Variants in CDC37L1 observed in about 807,000 individuals in gnomAD.
CDC37L1 encodes the protein cell division cycle 37 like 1, HSP90 cochaperone, also known as hsp90 co-chaperone Cdc37-like 1.
CDC37L1 carries 32 observed loss-of-function variants against 45.9 expected under a neutral mutation model. The ratio of observed to expected loss-of-function variants is 0.70; its 90% CI spans 0.53 to 0.94. CDC37L1 has a LOEUF of 0.94. Among genes scored for constraint, CDC37L1 ranks in the 40% least tolerant of loss-of-function variants. CDC37L1 has a pLI of 0.00. For synonymous variants in CDC37L1, 150 were observed against 133.0 expected (o/e 1.13, Z -0.88); for missense variants, 434 against 405.7 (o/e 1.07, Z -0.60).
intron 3 of CDC37L1, among the ~76,000 whole-genome samples, chr9:4,691,856 TATAAA>T (rs892530075): frequency 2.6e-5 from 4 of 152,308 alleles, no homozygotes; most frequent in Admixed American, 2.6e-4. Flanking sequence ...GTTTTATAAA[TATAAA>T]ATATTAATTT....
intron 6 of CDC37L1, chr9:4,703,198 C>T (rs1453863735): frequency 1.5e-6 from 2 of 1,297,018 alleles, no homozygotes; most frequent in Non-Finnish European, 2.0e-6. Context: ...AGTTTTAAAC[C>T]TCATAAAGTG....
At position 4,706,319 on chromosome 9, in the gene CDC37L1, T is replaced by G; in HGVS notation, c.*207T>G. The G allele has an allele frequency of 6.2e-6, 2 of 320,164 alleles. No individual in the cohort carries two copies. Among genetic ancestry groups the G allele is most frequent in the Non-Finnish European group, 1.2e-5 (2 of 173,164 alleles). The allele number at this position is 320,164 out of a possible 1,614,324, so 19.8% of individuals were successfully genotyped here. A position where few individuals can be genotyped will look rare whatever the true frequency, so the allele number is the denominator to read the frequency against. The stretch of plus-strand genomic sequence containing the variant: ...TGTTCTGAAGAGAAGAGTGGTACCA[T>G]ATGTTGCAGGAAGTCAAACTGGACT... On this transcript the variant is annotated 3_prime_UTR_variant, in exon 7 of 7. Transcript: ENST00000381854.
rs969577245 is a variant in CDC37L1, at chr9:4,707,590, C to G, written c.*1478C>G. 1 of 152,096 alleles carries G rather than the reference C, an allele frequency of 6.6e-6. No homozygotes were observed. 9.4% of individuals were successfully genotyped at this position (152,096 alleles called of 1,614,324 possible). On this transcript the variant is annotated 3_prime_UTR_variant, in exon 7 of 7. Transcript: ENST00000381854. ...TCTTCTTCTGTAACATCACAATCTT[C>G]CTGGTTTTCAGAATAAACGTTTTTG...
At chr9:4,700,545 T>C (rs772846741) in intron 5 of CDC37L1, among the ~76,000 whole-genome samples, 8 of 152,242 alleles carry the variant, frequency 5.3e-5, no homozygotes, top group Non-Finnish European at 8.8e-5. Flanking sequence ...TTTAATAAAA[T>C]AATGGAATGT....
chr9:4,695,944 C>G (rs1030877049), intron 3 of CDC37L1, among the ~76,000 whole-genome samples: 5 of 152,154 alleles, frequency 3.3e-5, no homozygotes, highest in African/African-American at 1.2e-4. Context: ...TGCCACCATG[C>G]CCAACTAATT....
chr9:4,694,817 C>T (rs764605149), intron 3 of CDC37L1, among the ~76,000 whole-genome samples: 37 of 152,218 alleles, frequency 2.4e-4, no homozygotes, highest in Middle Eastern at 3.4e-3. Flanking sequence ...TTGCAGTGAG[C>T]TGAGATCGTG....
chr9:4,699,479 CAA>C (rs1012104419), intron 5 of CDC37L1, among the ~76,000 whole-genome samples: 8 of 151,880 alleles, frequency 5.3e-5, no homozygotes, highest in South Asian at 2.1e-4. Flanking sequence ...GATGGAAAAA[CAA>C]GAGAGTGAAT....
At position 4,685,225 on chromosome 9, in the gene CDC37L1, G is replaced by A. The variant is rs1016969298; in HGVS notation, c.414+67G>A. On this transcript the variant is annotated intron_variant, in intron 2 of 6. Transcript: ENST00000381854. ...AAGTGTTTGTACAAACCAGTTGTGC[G>A]TATTTGGTAGCAAAGCAGCAGAATC... The A allele has an allele frequency of 3.4e-5, 40 of 1,190,600 alleles. No homozygotes were observed. The African/African-American group carries it at 4.1e-4, about 12-fold the overall frequency. The allele number at this position is 1,190,600 out of a possible 1,614,324, so 73.8% of individuals were successfully genotyped here.
At chr9:4,684,818 C>A in intron 1 of CDC37L1, 59 bp from the exon 2 acceptor site, 3 of 1,254,088 alleles carry the variant, frequency 2.4e-6, no homozygotes, top group Non-Finnish European at 2.2e-6. Flanking sequence ...AAAAATTGAA[C>A]TGTGCTGCAC....
At chr9:4,693,114 G>C (rs1841316315) in intron 3 of CDC37L1, among the ~76,000 whole-genome samples, 1 of 152,090 alleles carries the variant, frequency 6.6e-6, no homozygotes, top group Non-Finnish European at 1.5e-5. Flanking sequence ...TTAGTACACA[G>C]AGAAATTAAA....
In CDC37L1 at chr9:4,682,329, A is replaced by ATTTTTTTTTTTTTTTTTTTT. The variant is rs1313029477; in HGVS notation, c.132+2445_132+2446insTTTTTTTTTTTTTTTTTTTT. On this transcript the variant is annotated intron_variant, in intron 1 of 6. Coordinates refer to ENST00000381854, the MANE Select transcript of CDC37L1 (RefSeq NM_017913.4). ...AGGTGCCCACCACTGTGCCCAGCTA[A>ATTTTTTTTTTTTTTTTTTTT]TTTTTTTTTTTTTTTGAGATGGAGT... Among the ~76,000 whole-genome samples, 4 of 92,838 alleles carry ATTTTTTTTTTTTTTTTTTTT rather than the reference A, an allele frequency of 4.3e-5. 1 individual carries two copies. Among genetic ancestry groups the ATTTTTTTTTTTTTTTTTTTT allele is most frequent in the Admixed American group, 2.2e-4 (2 of 9,236 alleles). 60.9% of individuals were successfully genotyped at this position (92,838 alleles called of 152,430 possible).
At chr9:4,680,738 T>C (rs1486602420) in intron 1 of CDC37L1, among the ~76,000 whole-genome samples, 5 of 152,232 alleles carry the variant, frequency 3.3e-5, no homozygotes, top group Non-Finnish European at 7.3e-5. Flanking sequence ...AATCACAGAC[T>C]AAACACTAAT....
chr9:4,687,678 C>CAAAAAAAAAAAAAAAAAA (rs59932144), intron 2 of CDC37L1, among the ~76,000 whole-genome samples: 1 of 58,408 alleles, frequency 1.7e-5, no homozygotes. Context: ...GACCCCATCT[C>CAAAAAAAAAAAAAAAAAA]AAAAAAAAAA....
At chr9:4,686,097 G>A (rs7872393) in intron 2 of CDC37L1, among the ~76,000 whole-genome samples, 3,621 of 152,294 alleles carry the variant, frequency 0.024, 115 homozygotes, top group African/African-American at 0.072. Context: ...CTTGAACCCA[G>A]GAGGTAGAGG....
intron 3 of CDC37L1, among the ~76,000 whole-genome samples, chr9:4,690,973 A>G (rs1317248986): frequency 1.3e-5 from 2 of 152,244 alleles, no homozygotes; most frequent in Non-Finnish European, 2.9e-5. Context: ...ACTTGTAGTC[A>G]TGGGGAATGA....
chr9:4,680,002 C>CA (rs1841173864), intron 1 of CDC37L1, 103 bp downstream of exon 1: 1 of 1,431,626 alleles, frequency 7.0e-7, no homozygotes, highest in Non-Finnish European at 9.4e-7. Context: ...TTTCTACGCC[C>CA]ACCTCACTGC....
At chr9:4,702,120 G>A in intron 6 of CDC37L1, 92 bp downstream of exon 6, 1 of 543,728 alleles carries the variant, frequency 1.8e-6, no homozygotes, top group Non-Finnish European at 3.0e-6. Context: ...TTTAATATGT[G>A]CTACTATTTT....
In CDC37L1 at chr9:4,688,549, G is replaced by C. The variant is rs772285072; in HGVS notation, c.451G>C (p.Asp151His). ...INQDKRKDTE[D>H]EDKSESFMQK... ...TCAAGATAAAAGAAAAGACACAGAA[G>C]ATGAAGATAAATCAGAATCATTTAT... is the stretch of plus-strand genomic sequence containing the variant. Residue 151 changes from aspartate to histidine, a missense_variant, in exon 3 of 7, where the codon GAT becomes CAT. Asp to His is a moderately conservative substitution (Grantham distance 81). Transcript: ENST00000381854. The C allele has an allele frequency of 1.2e-5, 19 of 1,533,274 alleles. 1 individual carries two copies. In the South Asian group the frequency reaches 2.1e-4, roughly 17 times the overall value. 95.0% of individuals were successfully genotyped at this position (1,533,274 alleles called of 1,614,324 possible). A position where few individuals can be genotyped will look rare whatever the true frequency, so the allele number is the denominator to read the frequency against.
chr9:4,685,179 A>G, intron 2 of CDC37L1, 21 bp downstream of exon 2: 1 of 1,590,014 alleles, frequency 6.3e-7, no homozygotes, highest in African/African-American at 1.3e-5. Context: ...TTACTGGGCC[A>G]TAATGAAAGA....
Sources: gnomAD v4.1 joint callset for allele counts (sites outside exome capture counted in the v4.1 genomes callset) on GRCh38, gnomAD v4.1.1 for gene constraint, MANE v1.5 for transcripts, NCBI Gene and HGNC (gene_info 2026-07-23, HGNC 2026-07-21) for gene names.